NRAP: variants seen among roughly 807,000 people sequenced by gnomAD.
NRAP encodes nebulin-related-anchoring protein.
Under a neutral mutation model 225.9 loss-of-function variants are expected in NRAP, and 189 were observed. The observed-to-expected ratio is 0.84, with a 90% CI of 0.74 to 0.94. The LOEUF (loss-of-function observed/expected upper bound fraction) is 0.94, where lower values mean the gene tolerates loss of function less well. NRAP is among the 40% of genes least tolerant of loss of function. The pLI is 0.00. For missense variants in NRAP, 2,176 were observed against 2,168.7 expected (o/e 1.00, Z -0.07); for synonymous variants, 769 against 790.7 (o/e 0.97, Z 0.46).
In NRAP at chr10:113,645,840, G is replaced by A. The variant is rs772200985; in HGVS notation, c.1095C>T (p.Asn365=). The A allele has an allele frequency of 8.2e-6, 13 of 1,593,698 alleles. No individual in the cohort carries two copies. The highest frequency in any genetic ancestry group is 3.4e-5 in the Admixed American group (2 of 59,100). ...NLVLKQAQSV[N]KLVSEVEYKK... is the part of the protein sequence containing the mutation. ...CCATACGCACCTCACTCACGAGTTT[G>A]TTTACGCTCTGAGCCTGTTTGAGAA... The change falls in exon 11 of 42, where the codon AAC becomes AAT. Residue 365 remains asparagine (N), a synonymous_variant. Transcript: ENST00000359988.
In NRAP at chr10:113,647,576, CTGGTGGTA is replaced by C. The variant is rs1564752667; in HGVS notation, c.889-557_889-550del. 8.6e-4 allele frequency among the ~76,000 whole-genome samples: 128 copies of C among 148,136 alleles called. 8 individuals are homozygous for C. Among genetic ancestry groups the C allele is most frequent in the South Asian group, 1.5e-3 (7 of 4,640 alleles). ...GTCTCCCCCAGTGGTACTGCCTCCC[CTGGTGGTA>C]CTTCCTCCCCTAGTGGTACTGTCTC... On this transcript the variant is annotated intron_variant, in intron 9 of 41. Transcript: ENST00000359988.
chr10:113,617,423 T>C (rs1279689812), intron 26 of NRAP, 32 bp downstream of exon 26: 1 of 1,259,692 alleles, frequency 7.9e-7, no homozygotes, highest in Non-Finnish European at 1.2e-6. Context: ...AGCCCACTCT[T>C]AGAGTCATAA....
At chr10:113,632,803 C>G (rs1848644438) in intron 16 of NRAP, among the ~76,000 whole-genome samples, 1 of 152,218 alleles carries the variant, frequency 6.6e-6, no homozygotes, top group African/African-American at 2.4e-5. Flanking sequence ...ATCACCAGTT[C>G]ACTAGGGTGA....
intron 13 of NRAP, 72 bp from the exon 14 acceptor site, chr10:113,640,403 T>A: frequency 1.2e-6 from 1 of 832,816 alleles, no homozygotes; most frequent in Non-Finnish European, 1.9e-6. Flanking sequence ...TTGAATGCCA[T>A]AAGAAATATT....
chr10:113,610,354 TAAAAA>T (rs35334254), intron 31 of NRAP, 100 bp downstream of exon 31: 47 of 397,616 alleles, frequency 1.2e-4, no homozygotes, highest in Admixed American at 1.3e-4. Flanking sequence ...CATCTCAAAT[TAAAAA>T]AAAAAAAAAA....
intron 29 of NRAP, 103 bp from the exon 30 acceptor site, chr10:113,612,534 G>A (rs773322426): frequency 1.6e-4 from 147 of 938,928 alleles, no homozygotes; most frequent in Non-Finnish European, 2.1e-4. Context: ...GGTAAGCCCA[G>A]GGGAAGTTCT....
At chr10:113,633,360 G>A (rs1848680090) in intron 15 of NRAP, among the ~76,000 whole-genome samples, 172 bp from the exon 16 acceptor site, 1 of 152,198 alleles carries the variant, frequency 6.6e-6, no homozygotes, top group Non-Finnish European at 1.5e-5. Context: ...AACTGAAGGT[G>A]TCAAATGAAA....
intron 17 of NRAP, 85 bp downstream of exon 17, chr10:113,631,770 AAG>A (rs1177365170): frequency 6.4e-6 from 6 of 938,236 alleles, no homozygotes; most frequent in Non-Finnish European, 1.0e-5. Flanking sequence ...TTACAATGTT[AAG>A]AGTCATTATT....
Position 113,633,094 on chromosome 10 carries a change from A to C in NRAP, c.1622T>G (p.Leu541Arg), listed in dbSNP as rs756345345. The C allele has an allele frequency of 5.1e-6, 8 of 1,559,496 alleles. No individual in the cohort carries two copies. Among genetic ancestry groups the C allele is most frequent in the Non-Finnish European group, 7.1e-6 (8 of 1,130,676 alleles). ...ACATTGCTCTCTTACCTCACTGAAGAGTTTGGCATTGGTTTTGGCCTTCAC... is the reference window on the plus strand; with the variant it reads ...ACATTGCTCTCTTACCTCACTGAAGCGTTTGGCATTGGTTTTGGCCTTCAC... Reference protein sequence around the residue: ...QLVKAKTNAKLFSEVKYKEGW... With the variant: ...QLVKAKTNAKRFSEVKYKEGW... Residue 541 changes from leucine (L) to arginine (R), a missense_variant, in exon 16 of 42, where the codon CTC becomes CGC. Around this residue, in one of 3 missense-constraint regions of NRAP, gnomAD observed 1,708 missense variants for 1,695.5 expected, o/e 1.01. Coordinates refer to ENST00000359988, the MANE Select transcript of NRAP (RefSeq NM_198060.4).
At chr10:113,599,078 A>G (rs1489958221) in intron 35 of NRAP, among the ~76,000 whole-genome samples, 9 of 152,214 alleles carry the variant, frequency 5.9e-5, no homozygotes, top group Non-Finnish European at 1.3e-4. Context: ...AAAATCTAAA[A>G]TTTGGATCTA....
At chr10:113,650,384 C>G in intron 8 of NRAP, 54 bp downstream of exon 8, 2 of 1,313,164 alleles carry the variant, frequency 1.5e-6, no homozygotes, top group Non-Finnish European at 2.2e-6. Flanking sequence ...TCCTCAGACC[C>G]AGGTTCACAT....
intron 26 of NRAP, 22 bp from the exon 27 acceptor site, chr10:113,615,838 G>T: frequency 7.5e-7 from 1 of 1,332,922 alleles, no homozygotes; most frequent in Non-Finnish European, 1.1e-6. Context: ...AGGAGGTTTT[G>T]CATGAAACCT....
At chr10:113,642,317 C>A (rs1050840188) in intron 12 of NRAP, among the ~76,000 whole-genome samples, 3 of 152,062 alleles carry the variant, frequency 2.0e-5, no homozygotes, top group Non-Finnish European at 4.4e-5. Context: ...GGCTCTTAAG[C>A]CACTACATTT....
chr10:113,589,357 C>T lies in NRAP; in HGVS notation c.5089-278G>A, dbSNP rs533600403. The T allele has an allele frequency of 1.6e-4, 91 of 559,418 alleles. 1 individual carries two copies. Among genetic ancestry groups the T allele is most frequent in the African/African-American group, 1.5e-3 (80 of 53,374 alleles). 34.7% of individuals were successfully genotyped at this position (559,418 alleles called of 1,614,324 possible). On this transcript the variant is annotated intron_variant, in intron 41 of 41. Transcript: ENST00000359988. ...TCCAGCGAGTCCCTGACCCTTTCTGCGAATGTAACGAGCAAGCAGTCAGCA... is the reference window on the plus strand; with the variant it reads ...TCCAGCGAGTCCCTGACCCTTTCTGTGAATGTAACGAGCAAGCAGTCAGCA...
chr10:113,650,109 C>T lies in NRAP; in HGVS notation c.816G>A (p.Met272Ile). The T allele has an allele frequency of 6.2e-7, 1 of 1,612,844 alleles. No individual in the cohort carries two copies. The highest frequency in any genetic ancestry group is 8.5e-7 in the Non-Finnish European group (1 of 1,178,900). ...VRYHQQYQKE[M>I]RGMAGPAIGA... Reference sequence around the variant, plus strand: ...CAATGGCTGGACCAGCCATTCCCCTCATTTCTTTTTGATATTGTTGATGGT... The same window carrying T: ...CAATGGCTGGACCAGCCATTCCCCTTATTTCTTTTTGATATTGTTGATGGT... Residue 272 changes from methionine (M) to isoleucine (I), a missense_variant, in exon 9 of 42, where the codon ATG (methionine) becomes ATA (isoleucine). Met to Ile is a conservative substitution (Grantham distance 10). Coordinates refer to ENST00000359988, the MANE Select transcript of NRAP (RefSeq NM_198060.4).
chr10:113,620,825 A>G, intron 24 of NRAP, 117 bp from the exon 25 acceptor site: 1 of 718,806 alleles, frequency 1.4e-6, no homozygotes, highest in South Asian at 1.6e-5. Context: ...ATTAGATGCC[A>G]CTTTTGTCTT....
intron 7 of NRAP, 146 bp downstream of exon 7, chr10:113,651,657 C>A: frequency 1.7e-6 from 1 of 587,540 alleles, no homozygotes; most frequent in Non-Finnish European, 3.0e-6. Context: ...TGTGTCCCTG[C>A]AAAGGACATG....
intron 14 of NRAP, among the ~76,000 whole-genome samples, chr10:113,637,628 A>T (rs1262708143): frequency 2.6e-5 from 4 of 152,196 alleles, no homozygotes; most frequent in African/African-American, 4.8e-5. Context: ...TTTGGAGATT[A>T]AAAAACATCA....
chr10:113,589,545 G>A (rs998257069), intron 41 of NRAP, 121 bp downstream of exon 41: 18 of 1,231,720 alleles, frequency 1.5e-5, no homozygotes, highest in South Asian at 7.3e-5. Flanking sequence ...TTTGAGCTGC[G>A]TTTCACACTT....
Sources: allele counts gnomAD v4.1 joint callset (sites outside exome capture counted in the v4.1 genomes callset), GRCh38; gene constraint gnomAD v4.1.1; regional missense constraint gnomAD v4.1.1; transcripts MANE v1.5; gene names NCBI Gene and HGNC (gene_info 2026-07-23, HGNC 2026-07-21).